The following NRG3 variants were observed in gnomAD, a reference collection of about 807,000 sequenced individuals.
NRG3 encodes the protein neuregulin 3, also known as pro-neuregulin-3, membrane-bound isoform.
A neutral mutation model predicts 66.9 loss-of-function variants in NRG3; 31 were observed. The ratio of observed to expected loss-of-function variants is 0.46; its 90% CI spans 0.35 to 0.63. NRG3 has a LOEUF of 0.63. NRG3 is among the 20% of genes least tolerant of loss of function. NRG3 has a pLI of 0.00. For synonymous variants in NRG3, 393 were observed against 359.4 expected, an observed-to-expected ratio of 1.09 and a Z score of -1.06; for missense variants, 910 against 878.9, an observed-to-expected ratio of 1.04 and a Z score of -0.45.
At chr10:82,407,784 A>G (rs543910462) in intron 2 of NRG3, among the ~76,000 whole-genome samples, 1 of 152,170 alleles carries the variant, frequency 6.6e-6, no homozygotes, top group East Asian at 1.9e-4. Context: ...AAATAGAAAA[A>G]TATAGGCCGG....
At chr10:82,948,605 C>A (rs1476746363) in intron 4 of NRG3, among the ~76,000 whole-genome samples, 1 of 152,016 alleles carries the variant, frequency 6.6e-6, no homozygotes, top group Non-Finnish European at 1.5e-5. Context: ...TTCTTTTAAG[C>A]TTTTCAATGT....
intron 2 of NRG3, among the ~76,000 whole-genome samples, chr10:82,646,799 T>C (rs2050968618): frequency 6.6e-6 from 1 of 152,114 alleles, no homozygotes; most frequent in South Asian, 2.1e-4. Context: ...CGTCAGGGTT[T>C]GCTAACTGGT....
chr10:82,875,711 C>T (rs1243396094), intron 4 of NRG3, among the ~76,000 whole-genome samples: 1 of 152,146 alleles, frequency 6.6e-6, no homozygotes, highest in African/African-American at 2.4e-5. Context: ...ACATGGGCTT[C>T]AGTACATGCG....
chr10:82,140,387 A>G (rs907018226), intron 1 of NRG3, among the ~76,000 whole-genome samples: 8 of 152,204 alleles, frequency 5.3e-5, no homozygotes, highest in African/African-American at 1.9e-4. Flanking sequence ...AATTGCATGC[A>G]TGAAACAAAG....
At chr10:82,576,154 CCT>C (rs762198449) in intron 2 of NRG3, among the ~76,000 whole-genome samples, 3 of 151,474 alleles carry the variant, frequency 2.0e-5, no homozygotes, top group Non-Finnish European at 4.4e-5. Context: ...ATCTTTTTCT[CCT>C]CTGTTTTGTT....
At chr10:82,378,106 G>C (rs11194040) in intron 2 of NRG3, among the ~76,000 whole-genome samples, 20,287 of 152,176 alleles carry the variant, frequency 0.13, 1,596 homozygotes, top group East Asian at 0.29. Flanking sequence ...TGTTTCGTTT[G>C]TTTTTTCTTA....
intron 2 of NRG3, among the ~76,000 whole-genome samples, chr10:82,402,154 A>G (rs1259657071): frequency 6.6e-6 from 1 of 152,098 alleles, no homozygotes; most frequent in Non-Finnish European, 1.5e-5. Flanking sequence ...TTATGTTATC[A>G]TAAGAGGCAT....
chr10:82,938,837 C>G (rs1211472227), intron 4 of NRG3, among the ~76,000 whole-genome samples: 3 of 152,202 alleles, frequency 2.0e-5, no homozygotes, highest in Non-Finnish European at 4.4e-5. Context: ...AGTCACATGT[C>G]TTGCTCCTAG....
chr10:82,706,762 G>T (rs931215867), intron 2 of NRG3, among the ~76,000 whole-genome samples: 1 of 152,074 alleles, frequency 6.6e-6, no homozygotes, highest in Non-Finnish European at 1.5e-5. Flanking sequence ...GGGAGGCTGA[G>T]GCAGGTGGAT....
intron 1 of NRG3, among the ~76,000 whole-genome samples, chr10:82,004,808 G>A (rs1214641681): frequency 6.6e-5 from 10 of 152,306 alleles, no homozygotes; most frequent in African/African-American, 1.7e-4. Flanking sequence ...ATGGGAAGAC[G>A]CTGGGAGATG....
intron 2 of NRG3, among the ~76,000 whole-genome samples, chr10:82,376,245 T>G (rs1462329513): frequency 6.6e-6 from 1 of 152,164 alleles, no homozygotes; most frequent in Non-Finnish European, 1.5e-5. Context: ...AGATTCAACA[T>G]TCAGATAGCC....
At chr10:82,922,111 C>T (rs555985607) in intron 4 of NRG3, among the ~76,000 whole-genome samples, 9 of 151,888 alleles carry the variant, frequency 5.9e-5, no homozygotes, top group South Asian at 2.1e-4. Flanking sequence ...CGCCACCTCT[C>T]TATATATATA....
chr10:81,981,533 T>C (rs552039139), intron 1 of NRG3, among the ~76,000 whole-genome samples: 12 of 152,252 alleles, frequency 7.9e-5, no homozygotes, highest in African/African-American at 2.6e-4. Flanking sequence ...CGTCTTCTGA[T>C]GCCTTGAGTG....
intron 1 of NRG3, among the ~76,000 whole-genome samples, chr10:82,000,142 A>G (rs1250560276): frequency 2.0e-5 from 3 of 152,208 alleles, no homozygotes; most frequent in African/African-American, 7.2e-5. Flanking sequence ...CAAATTATTC[A>G]TAATTACCCT....
chr10:82,821,707 A>G (rs2061962505), intron 3 of NRG3, among the ~76,000 whole-genome samples: 2 of 152,186 alleles, frequency 1.3e-5, no homozygotes, highest in African/African-American at 4.8e-5. Context: ...ACTGCATTTA[A>G]CATCTGCAGA....
At chr10:82,894,870 G>A (rs2475795) in intron 4 of NRG3, among the ~76,000 whole-genome samples, 67,010 of 151,848 alleles carry the variant, frequency 0.44, 15,164 homozygotes, top group East Asian at 0.63. Context: ...TGCATTAGGT[G>A]TTTGTGCTAA....
intron 2 of NRG3, among the ~76,000 whole-genome samples, chr10:82,500,220 A>ATCTT (rs1844036308): frequency 6.6e-6 from 1 of 152,144 alleles, no homozygotes; most frequent in African/African-American, 2.4e-5. Flanking sequence ...TTACCCTGAA[A>ATCTT]TCTTACAATT....
At chr10:82,929,545 C>T (rs534593772) in intron 4 of NRG3, among the ~76,000 whole-genome samples, 1 of 152,202 alleles carries the variant, frequency 6.6e-6, no homozygotes, top group African/African-American at 2.4e-5. Flanking sequence ...GTTTGTCTTC[C>T]TTGGTGACTG....
intron 1 of NRG3, among the ~76,000 whole-genome samples, chr10:82,065,706 T>G (rs2064416262): frequency 6.6e-6 from 1 of 152,152 alleles, no homozygotes; most frequent in South Asian, 2.1e-4. Flanking sequence ...AGATAGTGTG[T>G]TCTGTGTCTC....
Sources: allele counts gnomAD v4.1 joint callset (sites outside exome capture counted in the v4.1 genomes callset), GRCh38; gene constraint gnomAD v4.1.1; transcripts MANE v1.5; gene names NCBI Gene and HGNC (gene_info 2026-07-23, HGNC 2026-07-21).